The following LPP variants were observed in gnomAD, a reference collection of about 807,000 sequenced individuals.
LPP encodes the protein LIM domain containing preferred translocation partner in lipoma.
In LPP, 38 loss-of-function variants were observed where a neutral mutation model predicts 60.4. The observed-to-expected ratio is 0.63, with a 90% confidence interval of 0.49 to 0.83. LPP has a LOEUF of 0.83. Among genes scored for constraint, LPP ranks in the 40% least tolerant of loss-of-function variants. The probability of loss-of-function intolerance (pLI) is 0.00; values close to 1 mark genes in which losing one functional copy is unlikely to be tolerated. For missense variants in LPP, 902 were observed against 783.6 expected, an observed-to-expected ratio of 1.15 and a Z score of -1.80; for synonymous variants, 328 against 290.8, an observed-to-expected ratio of 1.13 and a Z score of -1.30.
chr3:188,538,138 G>A (rs894043445), intron 6 of LPP, among the ~76,000 whole-genome samples: 1 of 152,184 alleles, frequency 6.6e-6, no homozygotes, highest in African/African-American at 2.4e-5. Flanking sequence ...TGAGGTTCAT[G>A]AAATTGGGTT....
intron 2 of LPP, among the ~76,000 whole-genome samples, chr3:188,239,524 A>G (rs1403476393): frequency 6.6e-6 from 1 of 152,158 alleles, no homozygotes; most frequent in Admixed American, 6.5e-5. Flanking sequence ...TATTGGTTTT[A>G]ACAAAATTTT....
intron 4 of LPP, among the ~76,000 whole-genome samples, chr3:188,476,902 A>G (rs999406850): frequency 1.3e-5 from 2 of 152,216 alleles, no homozygotes; most frequent in African/African-American, 4.8e-5. Flanking sequence ...ATGAGGACAG[A>G]GAACATGGAA....
chr3:188,222,681 G>A (rs1024533329), intron 1 of LPP, among the ~76,000 whole-genome samples: 1 of 151,886 alleles, frequency 6.6e-6, no homozygotes, highest in African/African-American at 2.4e-5. Context: ...CTAATTCAGG[G>A]CCAGATAGAA....
chr3:188,874,028 TG>T (rs1768866360), intron 11 of LPP, among the ~76,000 whole-genome samples: 1 of 151,944 alleles, frequency 6.6e-6, no homozygotes, highest in Non-Finnish European at 1.5e-5. Context: ...TCTTGTTGAG[TG>T]GGGGCAGCAA....
At chr3:188,637,603 T>A (rs1228236219) in intron 7 of LPP, among the ~76,000 whole-genome samples, 4 of 150,716 alleles carry the variant, frequency 2.7e-5, no homozygotes, top group East Asian at 3.9e-4. Context: ...TCAACAAAAT[T>A]GATAGACCGC....
Position 188,882,816 on chromosome 3 carries a change from G to A in LPP, c.*8337G>A, listed in dbSNP as rs986725134. 5.5e-6 allele frequency: 1 copy of A among 181,898 alleles called. No homozygotes were observed. The highest frequency in any genetic ancestry group is 1.2e-5 in the Non-Finnish European group (1 of 85,476). The allele number at this position is 181,898 out of a possible 1,614,324, so 11.3% of individuals were successfully genotyped here. On this transcript the variant is annotated 3_prime_UTR_variant, in exon 12 of 12. Coordinates refer to ENST00000617246, the MANE Select transcript of LPP (RefSeq NM_001375462.1). ...TGCAGTGGCGCAATCTCGGCTCACT[G>A]CAAGCTCCGCTTCTCGGGTTCACGC...
chr3:188,343,729 G>T (rs947785471), intron 3 of LPP, among the ~76,000 whole-genome samples: 7 of 152,150 alleles, frequency 4.6e-5, no homozygotes, highest in African/African-American at 1.7e-4. Context: ...ATATTTTGGA[G>T]GTGGGGAATG....
chr3:188,678,250 G>A (rs1858572695), intron 7 of LPP, among the ~76,000 whole-genome samples: 1 of 152,190 alleles, frequency 6.6e-6, no homozygotes, highest in Non-Finnish European at 1.5e-5. Context: ...GAGCAGATGA[G>A]GATGCTGAAA....
intron 4 of LPP, among the ~76,000 whole-genome samples, chr3:188,424,439 C>T (rs895642583): frequency 1.3e-5 from 2 of 151,764 alleles, no homozygotes; most frequent in African/African-American, 2.4e-5. Flanking sequence ...TCTATATGGG[C>T]TTTTTTTTGG....
chr3:188,483,443 A>G (rs1805387193), intron 4 of LPP, among the ~76,000 whole-genome samples: 1 of 152,230 alleles, frequency 6.6e-6, no homozygotes, highest in African/African-American at 2.4e-5. Flanking sequence ...CTAAAATGCA[A>G]GGAAAGGCTA....
At chr3:188,603,414 G>C (rs1378587780) in intron 6 of LPP, among the ~76,000 whole-genome samples, 1 of 151,362 alleles carries the variant, frequency 6.6e-6, no homozygotes, top group Non-Finnish European at 1.5e-5. Context: ...AGAGGTGGAT[G>C]GTTTTTAAAA....
At chr3:188,668,181 A>G (rs1224286714) in intron 7 of LPP, among the ~76,000 whole-genome samples, 1 of 152,138 alleles carries the variant, frequency 6.6e-6, no homozygotes, top group Admixed American at 6.5e-5. Flanking sequence ...TATCTGGTAC[A>G]TATGGACTAG....
intron 4 of LPP, among the ~76,000 whole-genome samples, chr3:188,444,433 T>C (rs1291684748): frequency 2.0e-5 from 3 of 152,112 alleles, no homozygotes; most frequent in African/African-American, 7.2e-5. Flanking sequence ...GCATATTAAA[T>C]AGGAAAATAC....
chr3:188,713,650 A>G (rs983610730), intron 8 of LPP, among the ~76,000 whole-genome samples: 2 of 152,152 alleles, frequency 1.3e-5, no homozygotes, highest in African/African-American at 4.8e-5. Flanking sequence ...ATTGACAGAT[A>G]TACGTAGACA....
chr3:188,361,852 G>A (rs1769521362), intron 3 of LPP, among the ~76,000 whole-genome samples: 1 of 152,148 alleles, frequency 6.6e-6, no homozygotes, highest in African/African-American at 2.4e-5. Flanking sequence ...ACGGGCGTGA[G>A]CCACTGTGCC....
intron 9 of LPP, among the ~76,000 whole-genome samples, chr3:188,840,936 TGGC>T (rs1011066976): frequency 4.6e-5 from 7 of 152,166 alleles, no homozygotes; most frequent in African/African-American, 7.2e-5. Flanking sequence ...CCATCTGATG[TGGC>T]GGGCATCCAA....
At chr3:188,803,683 C>T (rs1748033039) in intron 9 of LPP, among the ~76,000 whole-genome samples, 2 of 152,154 alleles carry the variant, frequency 1.3e-5, no homozygotes, top group Non-Finnish European at 2.9e-5. Flanking sequence ...ATATGTCTGT[C>T]CATTCTCCAG....
intron 9 of LPP, among the ~76,000 whole-genome samples, chr3:188,845,154 G>A (rs566606997): frequency 6.6e-6 from 1 of 152,144 alleles, no homozygotes; most frequent in South Asian, 2.1e-4. Flanking sequence ...TTGGATTCAG[G>A]AAATCATATT....
intron 9 of LPP, among the ~76,000 whole-genome samples, chr3:188,864,522 G>T (rs1766104618): frequency 6.6e-6 from 1 of 152,236 alleles, no homozygotes. Context: ...CACACTGAAA[G>T]TATTGTAAGC....
Sources: allele counts gnomAD v4.1 joint callset (sites outside exome capture counted in the v4.1 genomes callset), GRCh38; gene constraint gnomAD v4.1.1; transcripts MANE v1.5; gene names NCBI Gene and HGNC (gene_info 2026-07-23, HGNC 2026-07-21).